The following DUSP4 variants were observed in gnomAD, a reference collection of about 807,000 sequenced individuals.
DUSP4 encodes the protein dual specificity phosphatase 4.
A neutral mutation model predicts 27.2 loss-of-function variants in DUSP4; 12 were observed. That is an observed-to-expected ratio of 0.44 (90% CI 0.28 to 0.71). The LOEUF (loss-of-function observed/expected upper bound fraction) is 0.71. Ranked by LOEUF, DUSP4 falls within the 30% of genes least tolerant of loss-of-function variation. The probability of loss-of-function intolerance (pLI) is 0.14; values close to 1 mark genes in which losing one functional copy is unlikely to be tolerated. For synonymous variants in DUSP4, 257 were observed against 245.2 expected (o/e 1.05, Z -0.45); for missense variants, 448 against 551.3 (o/e 0.81, Z 1.88).
chr8:29,348,842 A>C, intron 1 of DUSP4: 5 of 979,184 alleles, frequency 5.1e-6, no homozygotes, highest in Non-Finnish European at 3.6e-6. Context: ...ACCCGCGCGG[A>C]AGAATGCGCG....
In DUSP4 at chr8:29,334,266, G is replaced by A. The variant is rs1364905263; in HGVS notation, c.*2760C>T. The stretch of plus-strand genomic sequence containing the variant: ...CATCACCAGAATCCCTTCATGGGAG[G>A]GATGGATGCCTGTTGAAACTCACTG... On this transcript the variant is annotated 3_prime_UTR_variant, in exon 4 of 4. Coordinates refer to ENST00000240100, the MANE Select transcript of DUSP4 (RefSeq NM_001394.7). The A allele has an allele frequency of 2.6e-5, 4 of 152,340 alleles. No individual in the cohort carries two copies. Among genetic ancestry groups the A allele is most frequent in the African/African-American group, 7.2e-5 (3 of 41,570 alleles). 9.4% of individuals were successfully genotyped at this position (152,340 alleles called of 1,614,324 possible).
chr8:29,348,771 C>T (rs910579389), intron 1 of DUSP4: 3 of 985,200 alleles, frequency 3.0e-6, no homozygotes, highest in Admixed American at 1.2e-4. Context: ...GGGGGAGGAG[C>T]GGCTCTTTGA....
intron 1 of DUSP4, among the ~76,000 whole-genome samples, chr8:29,342,474 C>G (rs1429028703): frequency 1.3e-5 from 2 of 152,110 alleles, no homozygotes; most frequent in Non-Finnish European, 2.9e-5. Flanking sequence ...CCCTCGGATG[C>G]CCTCAGCAGA....
Position 29,336,812 on chromosome 8 carries a change from T to G in DUSP4, c.*214A>C, listed in dbSNP as rs1587042615. On this transcript the variant is annotated 3_prime_UTR_variant, in exon 4 of 4. Coordinates refer to ENST00000240100, the MANE Select transcript of DUSP4 (RefSeq NM_001394.7). ...TCTTCCCTGGCTGCTGCGGCAGCCG[T>G]TATTGCTCTAAGTTGGAGTGTTCTG... 3 of 578,160 alleles carry G rather than the reference T, an allele frequency of 5.2e-6. No homozygotes were observed. Among genetic ancestry groups the G allele is most frequent in the Non-Finnish European group, 8.2e-6 (3 of 364,616 alleles). The allele number at this position is 578,160 out of a possible 1,614,324, so 35.8% of individuals were successfully genotyped here. A position where few individuals can be genotyped will look rare whatever the true frequency, so the allele number is the denominator to read the frequency against.
chr8:29,348,879 C>G, intron 1 of DUSP4: 1 of 825,444 alleles, frequency 1.2e-6, no homozygotes, highest in East Asian at 1.3e-4. Flanking sequence ...GGCGGAGGCG[C>G]AGCGCGGCGG....
chr8:29,336,993 G>A lies in DUSP4; in HGVS notation c.*33C>T. The A allele has an allele frequency of 6.5e-7, 1 of 1,544,426 alleles. No homozygotes were observed. Among genetic ancestry groups the A allele is most frequent in the South Asian group, 1.2e-5 (1 of 80,516 alleles). Reference sequence around the variant, plus strand: ...GCGGCCCGTCCTACCCTTGCTGGGAGCCAGCTCTGGTTCTGGGGCCCCCAG... The same window carrying A: ...GCGGCCCGTCCTACCCTTGCTGGGAACCAGCTCTGGTTCTGGGGCCCCCAG... On this transcript the variant is annotated 3_prime_UTR_variant, in exon 4 of 4. Coordinates refer to ENST00000240100, the MANE Select transcript of DUSP4 (RefSeq NM_001394.7).
chr8:29,333,831 G>C lies in DUSP4; in HGVS notation c.*3195C>G, dbSNP rs1433699315. On this transcript the variant is annotated 3_prime_UTR_variant, in exon 4 of 4. Coordinates refer to ENST00000240100, the MANE Select transcript of DUSP4 (RefSeq NM_001394.7). ...TGGCTTTACTACTACAGGCTTGGTTGATGGCCAATTCCCAATCTCCAGCCT... is the reference window on the plus strand; with the variant it reads ...TGGCTTTACTACTACAGGCTTGGTTCATGGCCAATTCCCAATCTCCAGCCT... 5 of 152,262 alleles carry C rather than the reference G, an allele frequency of 3.3e-5. No homozygotes were observed. The highest frequency in any genetic ancestry group is 7.3e-5 in the Non-Finnish European group (5 of 68,092). 9.4% of individuals were successfully genotyped at this position (152,262 alleles called of 1,614,324 possible).
intron 1 of DUSP4, among the ~76,000 whole-genome samples, chr8:29,342,672 T>A: frequency 6.6e-6 from 1 of 152,150 alleles, no homozygotes; most frequent in South Asian, 2.1e-4. Flanking sequence ...CACCGGCTGC[T>A]GGCCATGGAG....
At chr8:29,339,044 A>G (rs1055654381) in intron 2 of DUSP4, among the ~76,000 whole-genome samples, 14 of 152,198 alleles carry the variant, frequency 9.2e-5, no homozygotes, top group African/African-American at 3.4e-4. Context: ...TGAAGCTGGC[A>G]TGATGGTGCA....
Position 29,349,933 on chromosome 8 carries a change from C to A in DUSP4, c.346G>T (p.Glu116Ter). The A allele has an allele frequency of 6.3e-7, 1 of 1,593,866 alleles. No homozygotes were observed. The highest frequency in any genetic ancestry group is 8.5e-7 in the Non-Finnish European group (1 of 1,174,390). Residue 116 changes from glutamate (E) to a stop codon, truncating the protein, a stop_gained, in exon 1 of 4, where the codon GAG (glutamate) becomes TAG (stop). Transcript: ENST00000240100. LOFTEE classifies it high-confidence loss of function. ...ACGGTGCTGTCCTCGCGGAGGCTCT[C>A]GGCGCGCGGGCTGCGCTCGTCGTAG... ...IVYDERSPRAESLREDSTVSL... is the reference protein window; with the variant it reads ...IVYDERSPRA
intron 1 of DUSP4, chr8:29,348,022 A>G: frequency 1.0e-6 from 1 of 985,550 alleles, no homozygotes; most frequent in Non-Finnish European, 1.2e-6. Flanking sequence ...GAGGTCCTGG[A>G]GCTGCCGCTC....
intron 2 of DUSP4, among the ~76,000 whole-genome samples, chr8:29,339,524 C>A (rs1817625036): frequency 6.6e-6 from 1 of 152,174 alleles, no homozygotes; most frequent in Non-Finnish European, 1.5e-5. Context: ...GGCCTCCTCA[C>A]TTGTCCGGAC....
At position 29,348,301 on chromosome 8, in the gene DUSP4, C is replaced by A. The variant is rs946495814; in HGVS notation, c.433+1545G>T. 3.0e-6 allele frequency: 3 copies of A among 985,458 alleles called. No homozygotes were observed. The East Asian group carries it at 3.4e-4, about 112-fold the overall frequency. The allele number at this position is 985,458 out of a possible 1,614,324, so 61.0% of individuals were successfully genotyped here. A position where few individuals can be genotyped will look rare whatever the true frequency, so the allele number is the denominator to read the frequency against. On this transcript the variant is annotated intron_variant, in intron 1 of 3. Transcript: ENST00000240100. ...CCCTCATCTCTCCCACCAGCGCCGA[C>A]AAGCTCAAACAATGGCGCGGACGCC... is the stretch of plus-strand genomic sequence containing the variant.
chr8:29,348,218 C>G, intron 1 of DUSP4: 1 of 985,648 alleles, frequency 1.0e-6, no homozygotes, highest in Non-Finnish European at 1.2e-6. Context: ...CAGCGCCGTG[C>G]GGGGAACATC....
Position 29,349,853 on chromosome 8 carries a change from C to A in DUSP4, c.426G>T (p.Leu142=). 6.7e-7 allele frequency: 1 copy of A among 1,495,562 alleles called. No individual in the cohort carries two copies. The highest frequency in any genetic ancestry group is 8.9e-7 in the Non-Finnish European group (1 of 1,129,384). The allele number at this position is 1,495,562 out of a possible 1,614,324, so 92.6% of individuals were successfully genotyped here. A position where few individuals can be genotyped will look rare whatever the true frequency, so the allele number is the denominator to read the frequency against. ...CCCGGAGCCCTCGTTTACCTTTGAGCAGGCAGATGTCGGTGCGCTCGGCGT... is the reference window on the plus strand; with the variant it reads ...CCCGGAGCCCTCGTTTACCTTTGAGAAGGCAGATGTCGGTGCGCTCGGCGT... ...RRNAERTDIC[L]LKGGYERFSS... is the part of the protein sequence containing the mutation. The change falls in exon 1 of 4, where the codon CTG becomes CTT. Residue 142 remains leucine (L), a synonymous_variant. Transcript: ENST00000240100.
rs374610674 is a variant in DUSP4 at position 29,337,190 on chromosome 8, C to T, written c.1021G>A (p.Ala341Thr). 1 of 1,613,142 alleles carries T rather than the reference C, an allele frequency of 6.2e-7. No individual in the cohort carries two copies. Among genetic ancestry groups the T allele is most frequent in the Non-Finnish European group, 8.5e-7 (1 of 1,179,744 alleles). Reference sequence around the variant, plus strand: ...GGTCCCGAGGGGCTAGCAGCCTCCGCAGCACAGGACGTGGCCAGCACCTGG... The same window carrying T: ...GGTCCCGAGGGGCTAGCAGCCTCCGTAGCACAGGACGTGGCCAGCACCTGG... Reference protein sequence around the residue: ...ESQVLATSCAAEAASPSGPLR... With the variant: ...ESQVLATSCATEAASPSGPLR... Residue 341 changes from alanine to threonine, a missense_variant, in exon 4 of 4, where the codon GCG (alanine) becomes ACG (threonine). By Grantham distance (58) the Ala-to-Thr change is moderately conservative. Coordinates refer to ENST00000240100, the MANE Select transcript of DUSP4 (RefSeq NM_001394.7). The surrounding 1 kb of genome is among the most constrained non-coding windows in gnomAD (Gnocchi z 6.4).
At chr8:29,342,528 G>C (rs1199600201) in intron 1 of DUSP4, among the ~76,000 whole-genome samples, 1 of 152,174 alleles carries the variant, frequency 6.6e-6, no homozygotes, top group Non-Finnish European at 1.5e-5. Flanking sequence ...GGTAATGCTG[G>C]TAAGGTACTG....
chr8:29,339,741 C>T lies in DUSP4; in HGVS notation c.579+357G>A, dbSNP rs145244892. Among the ~76,000 whole-genome samples the T allele has an allele frequency of 3.9e-3, 598 of 152,064 alleles. 8 individuals are homozygous for T. The highest frequency in any genetic ancestry group is 0.013 in the African/African-American group (558 of 41,468). On this transcript the variant is annotated intron_variant, in intron 2 of 3. Coordinates refer to ENST00000240100, the MANE Select transcript of DUSP4 (RefSeq NM_001394.7). ...TCTCAGGATTGGATGCAGTGGCTCACGCCTGTGATCCCAACACTTTGGGAG... is the reference window on the plus strand; with the variant it reads ...TCTCAGGATTGGATGCAGTGGCTCATGCCTGTGATCCCAACACTTTGGGAG...
intron 1 of DUSP4, chr8:29,345,308 C>T: frequency 1.9e-6 from 3 of 1,586,412 alleles, no homozygotes; most frequent in Non-Finnish European, 2.6e-6. Flanking sequence ...TGACTGTTGA[C>T]TTAGTAAGCA....
Sources: allele counts gnomAD v4.1 joint callset (sites outside exome capture counted in the v4.1 genomes callset), GRCh38; gene constraint gnomAD v4.1.1; non-coding constraint Gnocchi (gnomAD v3.1); transcripts MANE v1.5; gene names NCBI Gene and HGNC (gene_info 2026-07-23, HGNC 2026-07-21).